Variants in TANC1 observed in about 807,000 individuals in gnomAD.
TANC1 encodes tetratricopeptide repeat, ankyrin repeat and coiled-coil containing 1, also known as protein TANC1.
TANC1 carries 77 observed loss-of-function variants against 149.7 expected under a neutral mutation model. The observed-to-expected ratio is 0.51, with a 90% CI of 0.43 to 0.62. The LOEUF is 0.62. Among genes scored for constraint, TANC1 ranks in the 20% least tolerant of loss-of-function variants. The pLI is 0.00. For missense variants in TANC1, 1,985 were observed against 2,321.8 expected, an observed-to-expected ratio of 0.85 and a Z score of 2.98; for synonymous variants, 854 against 925.0, an observed-to-expected ratio of 0.92 and a Z score of 1.39.
intron 3 of TANC1, among the ~76,000 whole-genome samples, chr2:159,087,507 T>C (rs940408045): frequency 1.1e-4 from 16 of 150,020 alleles, no homozygotes; most frequent in African/African-American, 3.7e-4. Context: ...TTTGTTTGTT[T>C]TGTTTTTGTT....
intron 3 of TANC1, among the ~76,000 whole-genome samples, chr2:159,094,320 T>G (rs1050034338): frequency 5.4e-4 from 83 of 152,338 alleles, no homozygotes; most frequent in African/African-American, 1.9e-3. Context: ...GTCTTTTGTA[T>G]GTAATGTTCT....
rs1026245257 is a variant in TANC1 at position 159,198,831 on chromosome 2, A to G, written c.3166-144A>G. On this transcript the variant is annotated intron_variant, in intron 18 of 26. Coordinates refer to ENST00000263635, the MANE Select transcript of TANC1 (RefSeq NM_033394.3). ...GTGAATAGCATATGAATTATGCTTG[A>G]AAACAGTTTTCATTATATTTTTCTC... 8 of 561,902 alleles carry G rather than the reference A, an allele frequency of 1.4e-5. No homozygotes were observed. In the African/African-American group the frequency reaches 1.5e-4, roughly 11 times the overall value. The allele number at this position is 561,902 out of a possible 1,614,324, so 34.8% of individuals were successfully genotyped here. A position where few individuals can be genotyped will look rare whatever the true frequency, so the allele number is the denominator to read the frequency against.
At chr2:159,022,338 C>T (rs2038897450) in intron 2 of TANC1, among the ~76,000 whole-genome samples, 1 of 152,222 alleles carries the variant, frequency 6.6e-6, no homozygotes, top group South Asian at 2.1e-4. Context: ...AGCGTGTATG[C>T]ACCTTTTTCC....
chr2:159,122,511 T>A (rs1444330820), intron 4 of TANC1, among the ~76,000 whole-genome samples: 2 of 152,206 alleles, frequency 1.3e-5, no homozygotes, highest in East Asian at 3.9e-4. Flanking sequence ...GATCTGTGAC[T>A]GTCAAATGCA....
intron 2 of TANC1, among the ~76,000 whole-genome samples, chr2:159,064,484 C>T (rs1203190965): frequency 6.6e-6 from 1 of 152,168 alleles, no homozygotes; most frequent in Non-Finnish European, 1.5e-5. Context: ...CCAAAGCTTT[C>T]ATTGATCTGT....
At chr2:159,110,789 C>T (rs1240003320) in intron 4 of TANC1, among the ~76,000 whole-genome samples, 1 of 152,200 alleles carries the variant, frequency 6.6e-6, no homozygotes, top group Admixed American at 6.5e-5. Context: ...AATGGATTCC[C>T]ATAGTATCTG....
chr2:159,128,537 C>T (rs1451118903), intron 4 of TANC1, among the ~76,000 whole-genome samples: 2 of 152,206 alleles, frequency 1.3e-5, no homozygotes, highest in African/African-American at 4.8e-5. Flanking sequence ...CATTTTCTGT[C>T]TCCTTCCCCC....
intron 19 of TANC1, among the ~76,000 whole-genome samples, chr2:159,208,311 A>C (rs1165528946): frequency 6.6e-6 from 1 of 152,228 alleles, no homozygotes; most frequent in East Asian, 1.9e-4. Flanking sequence ...TCAATTTTGC[A>C]ATTACTTTGG....
intron 1 of TANC1, among the ~76,000 whole-genome samples, chr2:158,974,907 A>T (rs922600794): frequency 4.1e-4 from 42 of 103,272 alleles, no homozygotes; most frequent in South Asian, 1.1e-3. Flanking sequence ...TAATTTTTGT[A>T]TTTTTTTTTT....
intron 4 of TANC1, among the ~76,000 whole-genome samples, chr2:159,132,708 A>T (rs184322869): frequency 2.7e-4 from 39 of 144,562 alleles, no homozygotes; most frequent in African/African-American, 9.6e-4. Flanking sequence ...TATGTTACCC[A>T]GGCTGGTCTG....
At chr2:158,974,822 T>G (rs2033422069) in intron 1 of TANC1, among the ~76,000 whole-genome samples, 1 of 151,886 alleles carries the variant, frequency 6.6e-6, no homozygotes, top group Non-Finnish European at 1.5e-5. Context: ...ATCCTCAACC[T>G]CCTGGACTCA....
At chr2:159,072,658 CT>C (rs2043256867) in intron 3 of TANC1, among the ~76,000 whole-genome samples, 1 of 152,022 alleles carries the variant, frequency 6.6e-6, no homozygotes, top group Non-Finnish European at 1.5e-5. Flanking sequence ...AAAGATATAC[CT>C]AATGTTAAAG....
intron 8 of TANC1, among the ~76,000 whole-genome samples, chr2:159,164,571 A>G (rs2054381425): frequency 6.6e-6 from 1 of 152,180 alleles, no homozygotes. Context: ...TCTAAACTCC[A>G]TGCCCTGTGC....
intron 2 of TANC1, among the ~76,000 whole-genome samples, chr2:159,037,038 T>TA (rs2040245313): frequency 6.6e-6 from 1 of 152,210 alleles, no homozygotes; most frequent in Non-Finnish European, 1.5e-5. Context: ...CCTGACTTTT[T>TA]AATGATCGCC....
At chr2:159,003,980 A>G in intron 2 of TANC1, 2 of 1,612,536 alleles carry the variant, frequency 1.2e-6, no homozygotes, top group East Asian at 2.2e-5. Flanking sequence ...TCTAAAAAAA[A>G]CTGGCTGTGA....
intron 7 of TANC1, among the ~76,000 whole-genome samples, chr2:159,154,448 G>GTGT (rs2053200425): frequency 6.6e-6 from 1 of 152,188 alleles, no homozygotes; most frequent in Admixed American, 6.5e-5. Context: ...TGCCCTGCAT[G>GTGT]TGTTCTGTTT....
chr2:159,087,979 T>C (rs1252100671), intron 3 of TANC1, among the ~76,000 whole-genome samples: 1 of 151,216 alleles, frequency 6.6e-6, no homozygotes, highest in African/African-American at 2.4e-5. Flanking sequence ...TATCAAGGAT[T>C]GCTGACCACA....
intron 2 of TANC1, among the ~76,000 whole-genome samples, chr2:159,045,413 C>T (rs1481284529): frequency 6.6e-6 from 1 of 152,098 alleles, no homozygotes. Flanking sequence ...GCCTGGGTGA[C>T]AGAGCAAGAC....
rs574586887 is a variant in TANC1, at chr2:159,036,949, T to C, written c.-15-28947T>C. Among the ~76,000 whole-genome samples the C allele has an allele frequency of 3.8e-3, 582 of 152,320 alleles. 2 individuals are homozygous for C. Among genetic ancestry groups the C allele is most frequent in the Admixed American group, 8.8e-3 (134 of 15,308 alleles). ...GGAATCACCACACTGTCTTCCACAA[T>C]GGTTGAACTAGTTTACAATCCCACC... On this transcript the variant is annotated intron_variant, in intron 2 of 26. Transcript: ENST00000263635.
Sources: gnomAD v4.1 joint callset for allele counts (sites outside exome capture counted in the v4.1 genomes callset) on GRCh38, gnomAD v4.1.1 for gene constraint, MANE v1.5 for transcripts, NCBI Gene and HGNC (gene_info 2026-07-23, HGNC 2026-07-21) for gene names.